The following STPG2 variants were observed in gnomAD, a reference collection of about 807,000 sequenced individuals.
STPG2 encodes sperm-tail PG-rich repeat-containing protein 2.
STPG2 carries 56 observed loss-of-function variants against 54.2 expected under a neutral mutation model. The observed-to-expected ratio is 1.03, with a 90% CI of 0.83 to 1.29. STPG2 has a LOEUF of 1.29. Ranked by LOEUF, STPG2 falls within the 50% of genes most tolerant of loss-of-function variation. The probability of loss-of-function intolerance (pLI) is 0.00; values close to 1 mark genes in which losing one functional copy is unlikely to be tolerated. For synonymous variants in STPG2, 200 were observed against 181.8 expected, an observed-to-expected ratio of 1.10 and a Z score of -0.81; for missense variants, 596 against 544.9, an observed-to-expected ratio of 1.09 and a Z score of -0.93.
At chr4:97,596,042 C>T (rs1733280833) in intron 10 of STPG2, among the ~76,000 whole-genome samples, 1 of 152,118 alleles carries the variant, frequency 6.6e-6, no homozygotes, top group Non-Finnish European at 1.5e-5. Flanking sequence ...TGCAATAACA[C>T]ACAAATGCTC....
At chr4:97,782,459 C>G (rs1261931684) in intron 9 of STPG2, among the ~76,000 whole-genome samples, 1 of 152,154 alleles carries the variant, frequency 6.6e-6, no homozygotes, top group African/African-American at 2.4e-5. Context: ...ACATTCCATG[C>G]TCATGGATAG....
intron 10 of STPG2, among the ~76,000 whole-genome samples, chr4:97,685,752 C>T (rs1370222712): frequency 6.6e-6 from 1 of 152,112 alleles, no homozygotes; most frequent in African/African-American, 2.4e-5. Context: ...AACTATCACA[C>T]TACTGCAAGA....
chr4:97,447,431 T>C (rs182510093), intron 4 of STPG2, among the ~76,000 whole-genome samples: 2 of 152,296 alleles, frequency 1.3e-5, no homozygotes, highest in Non-Finnish European at 2.9e-5. Context: ...TCAGAGACCT[T>C]AGTGGCAGCC....
intron 5 of STPG2, among the ~76,000 whole-genome samples, chr4:98,045,401 G>C (rs570360757): frequency 9.2e-5 from 14 of 152,122 alleles, no homozygotes; most frequent in African/African-American, 3.4e-4. Context: ...AGATTGTCCT[G>C]TGATTTCTAT....
At chr4:97,969,169 T>G (rs985431382) in intron 7 of STPG2, among the ~76,000 whole-genome samples, 19 of 152,220 alleles carry the variant, frequency 1.2e-4, no homozygotes, top group African/African-American at 4.1e-4. Context: ...GTCCTGTATC[T>G]ATGGATTGTT....
At chr4:98,068,270 T>C (rs1323640411) in intron 5 of STPG2, among the ~76,000 whole-genome samples, 1 of 152,190 alleles carries the variant, frequency 6.6e-6, no homozygotes, top group East Asian at 1.9e-4. Context: ...CTTTTCCTTT[T>C]CTTTGACTAG....
intron 4 of STPG2, among the ~76,000 whole-genome samples, chr4:97,479,036 A>T (rs1460058272): frequency 6.6e-6 from 1 of 151,966 alleles, no homozygotes; most frequent in African/African-American, 2.4e-5. Flanking sequence ...AAACACACTC[A>T]AACAAATATT....
At chr4:97,783,960 C>T (rs951928368) in intron 9 of STPG2, among the ~76,000 whole-genome samples, 1 of 151,302 alleles carries the variant, frequency 6.6e-6, no homozygotes, top group Non-Finnish European at 1.5e-5. Flanking sequence ...GGAGACATAC[C>T]TAATGTAAAT....
intron 5 of STPG2, among the ~76,000 whole-genome samples, chr4:98,030,375 G>A (rs1329036727): frequency 6.6e-6 from 1 of 152,082 alleles, no homozygotes; most frequent in Non-Finnish European, 1.5e-5. Context: ...AATAATCTAT[G>A]CAATTCCCCA....
At chr4:97,679,725 G>A (rs1057470077) in intron 10 of STPG2, among the ~76,000 whole-genome samples, 3 of 152,146 alleles carry the variant, frequency 2.0e-5, no homozygotes, top group African/African-American at 7.2e-5. Flanking sequence ...GATTGGTAAT[G>A]CCTAGGTTTT....
At chr4:97,722,734 G>A (rs1724487821) in intron 9 of STPG2, among the ~76,000 whole-genome samples, 1 of 150,928 alleles carries the variant, frequency 6.6e-6, no homozygotes, top group Non-Finnish European at 1.5e-5. Context: ...TTTCTTTTGG[G>A]ATATCTTGTT....
At chr4:97,616,046 AAATACATAT>A (rs1277303967) in intron 10 of STPG2, among the ~76,000 whole-genome samples, 2 of 89,866 alleles carry the variant, frequency 2.2e-5, no homozygotes, top group Admixed American at 2.9e-4. Flanking sequence ...CAAAAAAAAA[AAATACATAT>A]AAATATATAT....
At chr4:97,886,303 GACTTTTCA>G (rs1730567086) in intron 8 of STPG2, among the ~76,000 whole-genome samples, 1 of 152,156 alleles carries the variant, frequency 6.6e-6, no homozygotes, top group African/African-American at 2.4e-5. Context: ...ACATTTATTT[GACTTTTCA>G]ACAGTAATGC....
rs546418636 is a variant in STPG2 at position 97,536,991 on chromosome 4, T to A, written c.462+175708A>T. ...AAGTCACATTAAGAGCTTGTGTAAA[T>A]ATATTTACTAGAAGTTCACTATGGA... On this transcript the variant is annotated intron_variant, in intron 4 of 4. Transcript: ENST00000522676. 5.3e-5 allele frequency among the ~76,000 whole-genome samples: 8 copies of A among 152,344 alleles called. No homozygotes were observed. The South Asian group carries it at 1.7e-3, about 32-fold the overall frequency.
chr4:97,985,392 G>A (rs1347701997), intron 5 of STPG2, among the ~76,000 whole-genome samples: 5 of 152,086 alleles, frequency 3.3e-5, no homozygotes, highest in African/African-American at 1.2e-4. Flanking sequence ...ATGCATCCAG[G>A]GGTAAGGGCC....
At position 97,703,631 on chromosome 4, in the gene STPG2, TATATATAAATAAAAC is replaced by T. The variant is rs1404718629; in HGVS notation, c.1320+9053_1320+9067del. ...TATAGTATATATACTATATATATTA[TATATATAAATAAAAC>T]ATATATAAATAAAACATATATAAAA... On this transcript the variant is annotated intron_variant, in intron 10 of 10. Coordinates refer to ENST00000295268, the MANE Select transcript of STPG2 (RefSeq NM_174952.3). Among the ~76,000 whole-genome samples the T allele has an allele frequency of 3.5e-3, 494 of 139,650 alleles. 1 individual carries two copies. Among genetic ancestry groups the T allele is most frequent in the South Asian group, 0.011 (51 of 4,642 alleles). The allele number at this position is 139,650 out of a possible 152,430, so 91.6% of individuals were successfully genotyped here. A position where few individuals can be genotyped will look rare whatever the true frequency, so the allele number is the denominator to read the frequency against.
At chr4:97,947,683 A>G (rs1461259792) in intron 7 of STPG2, among the ~76,000 whole-genome samples, 3 of 151,782 alleles carry the variant, frequency 2.0e-5, no homozygotes, top group Non-Finnish European at 4.4e-5. Flanking sequence ...TTTGTTTTTA[A>G]TTGTTTATGT....
chr4:97,455,522 CAGAGGAG>C (rs1312683657), intron 4 of STPG2, among the ~76,000 whole-genome samples: 1 of 152,106 alleles, frequency 6.6e-6, no homozygotes, highest in African/African-American at 2.4e-5. Context: ...CCAGGGTGGT[CAGAGGAG>C]AGCCTGGCTG....
At chr4:97,575,721 C>G (rs2148886925) in intron 10 of STPG2, among the ~76,000 whole-genome samples, 1 of 152,252 alleles carries the variant, frequency 6.6e-6, no homozygotes, top group Admixed American at 6.5e-5. Flanking sequence ...AGGATACCCA[C>G]TCTCACCACT....
Sources: gnomAD v4.1 joint callset for allele counts (sites outside exome capture counted in the v4.1 genomes callset) on GRCh38, gnomAD v4.1.1 for gene constraint, MANE v1.5 for transcripts, NCBI Gene and HGNC (gene_info 2026-07-23, HGNC 2026-07-21) for gene names.